OPCML: variants seen among roughly 807,000 people sequenced by gnomAD.
OPCML encodes opioid-binding protein/cell adhesion molecule.
A neutral mutation model predicts 37.8 loss-of-function variants in OPCML; 13 were observed. The ratio of observed to expected loss-of-function variants is 0.34; its 90% CI spans 0.22 to 0.55. The LOEUF is 0.55. Ranked by LOEUF, OPCML falls within the 20% of genes least tolerant of loss-of-function variation. OPCML has a pLI of 0.91. For missense variants in OPCML, 341 were observed against 435.6 expected (o/e 0.78, Z 1.93); for synonymous variants, 176 against 168.8 (o/e 1.04, Z -0.33).
At chr11:133,244,089 C>T (rs1940830164) in intron 1 of OPCML, among the ~76,000 whole-genome samples, 1 of 152,178 alleles carries the variant, frequency 6.6e-6, no homozygotes, top group African/African-American at 2.4e-5. Flanking sequence ...GTGCAGAGAG[C>T]AGGAAATTAG....
intron 1 of OPCML, among the ~76,000 whole-genome samples, chr11:132,950,837 C>A (rs1034280312): frequency 6.6e-6 from 1 of 152,178 alleles, no homozygotes; most frequent in Non-Finnish European, 1.5e-5. Flanking sequence ...GGTCACAACT[C>A]ATCTTTTGAG....
chr11:133,432,520 C>T (rs1463446381), intron 1 of OPCML, among the ~76,000 whole-genome samples: 2 of 152,102 alleles, frequency 1.3e-5, no homozygotes, highest in African/African-American at 4.8e-5. Flanking sequence ...GGATTATAGG[C>T]ACGAGCCACC....
intron 2 of OPCML, among the ~76,000 whole-genome samples, chr11:132,710,486 T>C (rs1240278503): frequency 6.6e-6 from 1 of 152,118 alleles, no homozygotes; most frequent in East Asian, 1.9e-4. Context: ...CATGATTTGG[T>C]TAGAAAGATG....
At chr11:132,996,972 C>T (rs150887161) in intron 1 of OPCML, among the ~76,000 whole-genome samples, 100 of 152,298 alleles carry the variant, frequency 6.6e-4, no homozygotes, top group African/African-American at 2.3e-3. Flanking sequence ...CGGCCTCTGC[C>T]GAGGCAGCTC....
chr11:133,503,951 A>C (rs1280163832), intron 1 of OPCML, among the ~76,000 whole-genome samples: 1 of 152,166 alleles, frequency 6.6e-6, no homozygotes, highest in Admixed American at 6.5e-5. Flanking sequence ...CGGGAGGAGG[A>C]GGAAAGGCAA....
At chr11:132,841,834 C>G (rs1477802167) in intron 2 of OPCML, among the ~76,000 whole-genome samples, 1 of 124,372 alleles carries the variant, frequency 8.0e-6, no homozygotes, top group Non-Finnish European at 1.6e-5. Flanking sequence ...GCACTCCAGC[C>G]TGGGTGACAG....
In OPCML at chr11:132,666,194, G is replaced by A. The variant is rs115039056; in HGVS notation, c.147-8875C>T. ...AAGAAAAGAGGTTTACGTGGCTCAC[G>A]GCTCTGCAGGCTGTAGAGGAGGCAT... is the stretch of plus-strand genomic sequence containing the variant. On this transcript the variant is annotated intron_variant, in intron 2 of 7. Transcript: ENST00000524381. Among the ~76,000 whole-genome samples, 1,522 of 152,228 alleles carry A rather than the reference G, an allele frequency of 1.0e-2. 21 individuals carry two copies. Among genetic ancestry groups the A allele is most frequent in the African/African-American group, 0.033 (1,376 of 41,538 alleles).
At chr11:132,437,682 C>T (rs1186005436) in intron 4 of OPCML, among the ~76,000 whole-genome samples, 1 of 152,080 alleles carries the variant, frequency 6.6e-6, no homozygotes, top group African/African-American at 2.4e-5. Flanking sequence ...TACTTCAGTG[C>T]ATTGCCAAAC....
At chr11:133,490,676 A>G (rs1947635724) in intron 1 of OPCML, among the ~76,000 whole-genome samples, 1 of 152,172 alleles carries the variant, frequency 6.6e-6, no homozygotes, top group Non-Finnish European at 1.5e-5. Flanking sequence ...CAACTCAACA[A>G]GAATAAAAGC....
chr11:132,472,586 G>C (rs1226143348), intron 4 of OPCML, among the ~76,000 whole-genome samples: 1 of 152,206 alleles, frequency 6.6e-6, no homozygotes, highest in Non-Finnish European at 1.5e-5. Context: ...AAAGCAGCAA[G>C]GAAGCCAAGA....
At chr11:132,930,200 C>T (rs1461651763) in intron 2 of OPCML, among the ~76,000 whole-genome samples, 8 of 151,944 alleles carry the variant, frequency 5.3e-5, no homozygotes, top group Non-Finnish European at 1.0e-4. Context: ...TCTGTCTCTA[C>T]AAAAAATACA....
chr11:132,688,193 G>A (rs534228245), intron 2 of OPCML, among the ~76,000 whole-genome samples: 9 of 150,998 alleles, frequency 6.0e-5, no homozygotes, highest in East Asian at 3.9e-4. Context: ...GATTCTTGCC[G>A]AAAATTAAAC....
chr11:132,427,909 G>C (rs914936012), intron 7 of OPCML, among the ~76,000 whole-genome samples: 12 of 152,146 alleles, frequency 7.9e-5, no homozygotes, highest in African/African-American at 2.9e-4. Flanking sequence ...GCAGGTTGGG[G>C]GAAAATACAA....
intron 1 of OPCML, among the ~76,000 whole-genome samples, chr11:133,501,372 T>C (rs76432509): frequency 0.033 from 5,014 of 152,326 alleles, 191 homozygotes; most frequent in African/African-American, 0.098. Context: ...ATTATAGCCC[T>C]GGTTTATGCT....
chr11:132,604,015 G>A (rs185632687), intron 3 of OPCML, among the ~76,000 whole-genome samples: 1 of 152,238 alleles, frequency 6.6e-6, no homozygotes, highest in African/African-American at 2.4e-5. Context: ...ACTCCACCAG[G>A]TCAGGGCCTT....
intron 2 of OPCML, among the ~76,000 whole-genome samples, chr11:132,761,470 C>T (rs568054116): frequency 7.4e-4 from 113 of 152,248 alleles, no homozygotes; most frequent in Non-Finnish European, 1.3e-3. Context: ...ACTGTTTTCA[C>T]ATAGTCCCTT....
At chr11:132,476,871 T>G (rs927281710) in intron 4 of OPCML, among the ~76,000 whole-genome samples, 13 of 152,086 alleles carry the variant, frequency 8.5e-5, no homozygotes. Flanking sequence ...TTAAAAAAAG[T>G]GTTACTTCCA....
At chr11:133,352,014 A>G (rs1944150712) in intron 1 of OPCML, among the ~76,000 whole-genome samples, 1 of 152,078 alleles carries the variant, frequency 6.6e-6, no homozygotes, top group African/African-American at 2.4e-5. Flanking sequence ...AGGTTTTGCA[A>G]CTGTTTCTCA....
chr11:133,033,842 T>C (rs1947717400), intron 1 of OPCML, among the ~76,000 whole-genome samples: 1 of 152,222 alleles, frequency 6.6e-6, no homozygotes, highest in Non-Finnish European at 1.5e-5. Flanking sequence ...GGGTATCAAC[T>C]CACAGCAATA....
Sources: gnomAD v4.1 joint callset for allele counts (sites outside exome capture counted in the v4.1 genomes callset) on GRCh38, gnomAD v4.1.1 for gene constraint, MANE v1.5 for transcripts, NCBI Gene and HGNC (gene_info 2026-07-23, HGNC 2026-07-21) for gene names.